The following COL13A1 variants were observed in gnomAD, a reference collection of about 807,000 sequenced individuals.
COL13A1 encodes collagen type XIII alpha 1 chain.
Under a neutral mutation model 130.9 loss-of-function variants are expected in COL13A1, and 89 were observed. The ratio of observed to expected loss-of-function variants is 0.68; its 90% CI spans 0.57 to 0.81. COL13A1 has a LOEUF of 0.81. Ranked by LOEUF, COL13A1 falls within the 30% of genes least tolerant of loss-of-function variation. The pLI, the probability that COL13A1 is intolerant of heterozygous loss-of-function variation, is 0.00. For synonymous variants in COL13A1, 402 were observed against 341.6 expected, an observed-to-expected ratio of 1.18 and a Z score of -1.95; for missense variants, 879 against 934.6, an observed-to-expected ratio of 0.94 and a Z score of 0.78.
chr10:69,802,870 C>A (rs1347080385), intron 1 of COL13A1, among the ~76,000 whole-genome samples, 153 bp downstream of exon 1: 1 of 152,238 alleles, frequency 6.6e-6, no homozygotes, highest in Non-Finnish European at 1.5e-5. Context: ...CACGGACAGA[C>A]GCTGCCCTAC....
At chr10:69,919,190 C>G in intron 20 of COL13A1, 102 bp downstream of exon 20, 3 of 1,491,592 alleles carry the variant, frequency 2.0e-6, no homozygotes, top group Non-Finnish European at 2.8e-6. Flanking sequence ...CTGAGGCTGG[C>G]CTGGGACTGG....
chr10:69,942,388 C>G (rs2067765259), intron 35 of COL13A1, among the ~76,000 whole-genome samples: 1 of 152,204 alleles, frequency 6.6e-6, no homozygotes, highest in Non-Finnish European at 1.5e-5. Context: ...CCTTCCCCAC[C>G]TAGCAAACCT....
In COL13A1 at chr10:69,902,736, C is replaced by T. The variant is rs1340528835; in HGVS notation, c.751-12C>T. On this transcript the variant is annotated splice_polypyrimidine_tract_variant and intron_variant, in intron 14 of 40. Transcript: ENST00000645393. ...GGGCCTTCCCTCTAACATTCGTTTCCATGAACCTCAGGGCGAACAGAGCCA... is the reference window on the plus strand; with the variant it reads ...GGGCCTTCCCTCTAACATTCGTTTCTATGAACCTCAGGGCGAACAGAGCCA... 10 of 1,544,696 alleles carry T rather than the reference C, an allele frequency of 6.5e-6. No homozygotes were observed. The African/African-American group carries it at 1.1e-4, about 17-fold the overall frequency.
chr10:69,885,339 A>G (rs2060502164), intron 7 of COL13A1, among the ~76,000 whole-genome samples: 2 of 152,242 alleles, frequency 1.3e-5, no homozygotes, highest in Non-Finnish European at 2.9e-5. Context: ...GAAAAAAACA[A>G]CCTACTAGAA....
chr10:69,957,475 C>T (rs1471648614), intron 40 of COL13A1, among the ~76,000 whole-genome samples: 1 of 152,172 alleles, frequency 6.6e-6, no homozygotes, highest in Non-Finnish European at 1.5e-5. Context: ...AGGGGCTGTG[C>T]TCCTCACCAC....
chr10:69,903,937 G>T (rs1409447037), intron 15 of COL13A1, among the ~76,000 whole-genome samples: 1 of 152,134 alleles, frequency 6.6e-6, no homozygotes, highest in African/African-American at 2.4e-5. Context: ...TTGTTATAGG[G>T]TCTTCCTGGG....
chr10:69,939,112 A>AT (rs912746178), intron 34 of COL13A1, among the ~76,000 whole-genome samples: 15 of 151,594 alleles, frequency 9.9e-5, no homozygotes, highest in East Asian at 5.8e-4. Context: ...ACAGAGAAGT[A>AT]TTTTTTTTTA....
intron 34 of COL13A1, 32 bp downstream of exon 34, chr10:69,937,747 G>T: frequency 5.0e-6 from 5 of 990,526 alleles, no homozygotes; most frequent in African/African-American, 1.6e-5. Flanking sequence ...AGACTGGTGG[G>T]TTTGATGGGC....
chr10:69,854,121 A>G (rs1855746393), intron 2 of COL13A1, among the ~76,000 whole-genome samples: 1 of 152,206 alleles, frequency 6.6e-6, no homozygotes, highest in Non-Finnish European at 1.5e-5. Context: ...CCTGGCACGT[A>G]CACTGGAGGC....
chr10:69,946,498 C>T (rs2068559695), intron 37 of COL13A1, among the ~76,000 whole-genome samples: 1 of 152,240 alleles, frequency 6.6e-6, no homozygotes, highest in Non-Finnish European at 1.5e-5. Context: ...CTTTAGTTTC[C>T]CATCCACTGG....
At chr10:69,916,985 C>T (rs557146895) in intron 17 of COL13A1, among the ~76,000 whole-genome samples, 5 of 152,170 alleles carry the variant, frequency 3.3e-5, no homozygotes, top group Non-Finnish European at 7.4e-5. Flanking sequence ...AGGTACAGCT[C>T]AACCACAGGG....
At chr10:69,908,315 C>T (rs2063004418) in intron 17 of COL13A1, among the ~76,000 whole-genome samples, 1 of 152,184 alleles carries the variant, frequency 6.6e-6, no homozygotes, top group African/African-American at 2.4e-5. Flanking sequence ...TTAATTAGTT[C>T]TACATAAACT....
chr10:69,922,023 G>A, intron 22 of COL13A1, 88 bp downstream of exon 22: 1 of 1,452,524 alleles, frequency 6.9e-7, no homozygotes, highest in African/African-American at 1.4e-5. Flanking sequence ...CCCCAGCATT[G>A]GACGTGTCTG....
In COL13A1 at chr10:69,935,069, G is replaced by GT. The variant is rs201778868; in HGVS notation, c.1729-273dup. On this transcript the variant is annotated intron_variant, in intron 31 of 40. Coordinates refer to ENST00000645393, the MANE Select transcript of COL13A1 (RefSeq NM_001368882.1). ...ACCTAGTGCTGCTAGATCTTCTGGT[G>GT]TTTTTTTTGTTTTTTTTTTTCCAAG... Among the ~76,000 whole-genome samples the GT allele has an allele frequency of 5.9e-3, 891 of 150,370 alleles. 4 individuals carry two copies. Among genetic ancestry groups the GT allele is most frequent in the African/African-American group, 0.021 (855 of 40,468 alleles).
rs115836545 is a variant in COL13A1 at position 69,913,098 on chromosome 10, C to T, written c.922-4191C>T. 6.3e-3 allele frequency among the ~76,000 whole-genome samples: 966 copies of T among 152,340 alleles called. 11 individuals are homozygous for T. Among genetic ancestry groups the T allele is most frequent in the African/African-American group, 0.022 (915 of 41,572 alleles). ...CTACCCACTTGTGCTCCCCTAGAGC[C>T]TTCTCAGCCACAATGACTACAATCC... On this transcript the variant is annotated intron_variant, in intron 17 of 40. Transcript: ENST00000645393.
rs79321356 is a variant in COL13A1, at chr10:69,926,860, T to C, written c.1399-227T>C. ...GTAGGACGGCCTCAGAGTATAATCA[T>C]GCTTAGGAGATGCTACGTATTCTCT... On this transcript the variant is annotated intron_variant, in intron 26 of 40. Transcript: ENST00000645393. Among the ~76,000 whole-genome samples, 5,508 of 152,194 alleles carry C rather than the reference T, an allele frequency of 0.036. 123 individuals are homozygous for C. The highest frequency in any genetic ancestry group is 0.04 in the African/African-American group (1,649 of 41,522).
intron 1 of COL13A1, among the ~76,000 whole-genome samples, chr10:69,804,804 G>A (rs1190674967): frequency 1.4e-3 from 89 of 63,362 alleles, no homozygotes; most frequent in Non-Finnish European, 2.2e-3. Flanking sequence ...TGACCATGTC[G>A]TGTGCAAAAA....
chr10:69,849,131 T>G (rs760513073), intron 2 of COL13A1, among the ~76,000 whole-genome samples: 4 of 152,246 alleles, frequency 2.6e-5, no homozygotes, highest in Non-Finnish European at 5.9e-5. Flanking sequence ...TCTTAGAATT[T>G]TCAAAGGTTC....
rs568122018 is a variant in COL13A1 at position 69,845,309 on chromosome 10, C to T, written c.365-22489C>T. Among the ~76,000 whole-genome samples, 346 of 152,026 alleles carry T rather than the reference C, an allele frequency of 2.3e-3. 2 individuals carry two copies. Among genetic ancestry groups the T allele is most frequent in the African/African-American group, 7.9e-3 (329 of 41,458 alleles). On this transcript the variant is annotated intron_variant, in intron 2 of 40. Transcript: ENST00000645393. ...CCAGGTTCAAGTGATTCTCCTGCCT[C>T]AGCCTCCCAAGTAACTGGGATTACA... is the stretch of plus-strand genomic sequence containing the variant.
Sources: gnomAD v4.1 joint callset for allele counts (sites outside exome capture counted in the v4.1 genomes callset) on GRCh38, gnomAD v4.1.1 for gene constraint, MANE v1.5 for transcripts, NCBI Gene and HGNC (gene_info 2026-07-23, HGNC 2026-07-21) for gene names.